The following C15orf40 variants were observed in gnomAD, a reference collection of about 807,000 sequenced individuals.
The protein encoded by C15orf40 is UPF0235 protein C15orf40.
C15orf40 carries 9 observed loss-of-function variants against 13.9 expected under a neutral mutation model. That is an observed-to-expected ratio of 0.65 (90% CI 0.39 to 1.13). The LOEUF is 1.13. Ranked by LOEUF, C15orf40 falls within the 50% of genes most tolerant of loss-of-function variation. The pLI is 0.01. For missense variants in C15orf40, 225 were observed against 188.5 expected (o/e 1.19, Z -1.13); for synonymous variants, 95 against 69.2 (o/e 1.37, Z -1.85).
At position 83,003,362 on chromosome 15, in the gene C15orf40, G is replaced by C. The variant is rs1021695065; in HGVS notation, c.*2235C>G. ...GGCTGGTCTCGAATTCCCGACCTCA[G>C]GTGATCCACCTGCCTTGGCCTCCCA... On this transcript the variant is annotated 3_prime_UTR_variant, in exon 4 of 4. Transcript: ENST00000304177. 6.6e-6 allele frequency: 1 copy of C among 151,956 alleles called. No individual in the cohort carries two copies. Among genetic ancestry groups the C allele is most frequent in the Non-Finnish European group, 1.5e-5 (1 of 68,026 alleles). 9.4% of individuals were successfully genotyped at this position (151,956 alleles called of 1,614,324 possible). A position where few individuals can be genotyped will look rare whatever the true frequency, so the allele number is the denominator to read the frequency against.
Position 83,004,112 on chromosome 15 carries a change from A to G in C15orf40, c.*1485T>C, listed in dbSNP as rs1179702990. ...TATAAATATATATATCTATGTATAAAATCTATCTATGTATATCTATCTATC... is the reference window on the plus strand; with the variant it reads ...TATAAATATATATATCTATGTATAAGATCTATCTATGTATATCTATCTATC... On this transcript the variant is annotated 3_prime_UTR_variant, in exon 4 of 4. Transcript: ENST00000304177. The G allele has an allele frequency of 6.6e-6, 1 of 152,398 alleles. No individual in the cohort carries two copies. The highest frequency in any genetic ancestry group is 6.6e-5 in the Admixed American group (1 of 15,262). The allele number at this position is 152,398 out of a possible 1,614,324, so 9.4% of individuals were successfully genotyped here.
chr15:83,004,984 A>G lies in C15orf40; in HGVS notation c.*613T>C, dbSNP rs1425570855. 7.8e-7 allele frequency: 1 copy of G among 1,275,606 alleles called. No individual in the cohort carries two copies. The highest frequency in any genetic ancestry group is 1.0e-6 in the Non-Finnish European group (1 of 965,714). 79.0% of individuals were successfully genotyped at this position (1,275,606 alleles called of 1,614,324 possible). ...AAGTCTCTCAACTTCTGGATATAGG[A>G]AATCAAAGGCCCCCCAACAGAATGA... On this transcript the variant is annotated 3_prime_UTR_variant, in exon 4 of 4. Transcript: ENST00000304177.
chr15:83,007,074 G>GC (rs1190147194), intron 3 of C15orf40, among the ~76,000 whole-genome samples: 1 of 152,108 alleles, frequency 6.6e-6, no homozygotes, highest in African/African-American at 2.4e-5. Flanking sequence ...ACATGGCTGG[G>GC]CCCCCCTCCT....
downstream of C15orf40, chr15:82,990,542 G>GCT: frequency 1.3e-6 from 1 of 765,866 alleles, no homozygotes; most frequent in Non-Finnish European, 2.0e-6. Context: ...TAAAACAATT[G>GCT]CTTTTTTTTT....
chr15:82,991,085 A>G (rs565820007), downstream of C15orf40: 13 of 156,078 alleles, frequency 8.3e-5, no homozygotes, highest in African/African-American at 3.1e-4. Context: ...ATTTATTAAT[A>G]TGGTGAAATG....
intron 3 of C15orf40, chr15:83,006,362 A>C (rs1387122775): frequency 1.0e-6 from 1 of 970,318 alleles, no homozygotes; most frequent in East Asian, 1.1e-4. Context: ...TTATAAATAT[A>C]AACAAATTGC....
At chr15:83,005,782 C>CCTG in intron 3 of C15orf40, 90 bp from the exon 4 acceptor site, 1 of 1,450,882 alleles carries the variant, frequency 6.9e-7, no homozygotes. Context: ...ATGGGCTCTC[C>CCTG]TGATGGCTTT....
At chr15:82,990,179 A>AT, downstream of C15orf40, 1 of 450,844 alleles carries the variant, frequency 2.2e-6, no homozygotes, top group Non-Finnish European at 3.5e-6. Flanking sequence ...TGGATTATTG[A>AT]TTTTTTGGAA....
chr15:83,003,057 G>C lies in C15orf40; in HGVS notation c.*2540C>G, dbSNP rs953386951. The C allele has an allele frequency of 6.6e-6, 1 of 151,622 alleles. No individual in the cohort carries two copies. Among genetic ancestry groups the C allele is most frequent in the African/African-American group, 2.4e-5 (1 of 41,220 alleles). 9.4% of individuals were successfully genotyped at this position (151,622 alleles called of 1,614,324 possible). On this transcript the variant is annotated 3_prime_UTR_variant, in exon 4 of 4. Coordinates refer to ENST00000304177, the MANE Select transcript of C15orf40 (RefSeq NM_144597.3). ...GAACTCCTGACCTCGTGATCTGCCT[G>C]CCTCGGCCTCCCAAAGCGCTGGAAT...
rs1191365204 is a variant in C15orf40, at chr15:82,995,566, C to G, written c.*10031G>C. The G allele has an allele frequency of 6.6e-6, 1 of 152,442 alleles. No individual in the cohort carries two copies. 9.4% of individuals were successfully genotyped at this position (152,442 alleles called of 1,614,324 possible). On this transcript the variant is annotated 3_prime_UTR_variant, in exon 4 of 4. Coordinates refer to ENST00000304177, the MANE Select transcript of C15orf40 (RefSeq NM_144597.3). ...TTGGGAGGCCAAGGTGGAAGGATCA[C>G]CTGAGGTCAGGAGTTCCAGACCAGC... is the stretch of plus-strand genomic sequence containing the variant.
downstream of C15orf40, among the ~76,000 whole-genome samples, chr15:82,991,684 GAGCC>G (rs2030866835): frequency 6.6e-6 from 1 of 151,920 alleles, no homozygotes; most frequent in Non-Finnish European, 1.5e-5. Flanking sequence ...CCTTCCTGAA[GAGCC>G]ATCCTCTCGG....
At chr15:82,993,082 C>G (rs1325326128), downstream of C15orf40, among the ~76,000 whole-genome samples, 2 of 152,198 alleles carry the variant, frequency 1.3e-5, no homozygotes, top group Non-Finnish European at 2.9e-5. Context: ...ATCCTAGCTT[C>G]CAGTTCTGTG....
rs908524069 is a variant in C15orf40, at chr15:83,000,166, A to C, written c.*5431T>G. On this transcript the variant is annotated 3_prime_UTR_variant, in exon 4 of 4. Transcript: ENST00000304177. Reference sequence around the variant, plus strand: ...GATGATTCTCTTAAAGAGATTTCCCAAAGGGACAGAATGTTCTCACTAGCA... The same window carrying C: ...GATGATTCTCTTAAAGAGATTTCCCCAAGGGACAGAATGTTCTCACTAGCA... The C allele has an allele frequency of 1.2e-4, 19 of 152,224 alleles. No individual in the cohort carries two copies. The highest frequency in any genetic ancestry group is 7.2e-4 in the Admixed American group (11 of 15,278). The allele number at this position is 152,224 out of a possible 1,614,324, so 9.4% of individuals were successfully genotyped here. A position where few individuals can be genotyped will look rare whatever the true frequency, so the allele number is the denominator to read the frequency against.
At chr15:83,006,910 G>A (rs1434032826) in intron 3 of C15orf40, among the ~76,000 whole-genome samples, 2 of 152,232 alleles carry the variant, frequency 1.3e-5, no homozygotes, top group Non-Finnish European at 2.9e-5. Context: ...ATGAGCACTA[G>A]CCAAAAATCA....
At position 83,000,634 on chromosome 15, in the gene C15orf40, C is replaced by A. The variant is rs958534337; in HGVS notation, c.*4963G>T. The A allele has an allele frequency of 2.0e-4, 30 of 152,276 alleles. No individual in the cohort carries two copies. Among genetic ancestry groups the A allele is most frequent in the African/African-American group, 7.0e-4 (29 of 41,540 alleles). The allele number at this position is 152,276 out of a possible 1,614,324, so 9.4% of individuals were successfully genotyped here. A position where few individuals can be genotyped will look rare whatever the true frequency, so the allele number is the denominator to read the frequency against. On this transcript the variant is annotated 3_prime_UTR_variant, in exon 4 of 4. Coordinates refer to ENST00000304177, the MANE Select transcript of C15orf40 (RefSeq NM_144597.3). Reference sequence around the variant, plus strand: ...CACCTCTTGGATGTAAATTGAAATTCTAAGTTTTTAGTCACTAGTTACATG... The same window carrying A: ...CACCTCTTGGATGTAAATTGAAATTATAAGTTTTTAGTCACTAGTTACATG...
intron 1 of C15orf40, chr15:83,011,086 G>C (rs2151294601): frequency 6.0e-6 from 1 of 165,846 alleles, no homozygotes; most frequent in South Asian, 1.7e-4. Context: ...GGTGGAAATG[G>C]GAGTGCTGTA....
downstream of C15orf40, chr15:82,989,969 T>G: frequency 6.2e-7 from 1 of 1,609,808 alleles, no homozygotes; most frequent in Non-Finnish European, 8.5e-7. Context: ...TGGACGATCC[T>G]GGGGTAACAA....
In C15orf40 at chr15:83,001,209, G is replaced by C. The variant is rs1202895244; in HGVS notation, c.*4388C>G. On this transcript the variant is annotated 3_prime_UTR_variant, in exon 4 of 4. Transcript: ENST00000304177. ...GTGGAATGGCTCACAGAAATCAGAA[G>C]TCTGAAATCTCTGCTCCTGCCTCCA... 1 of 985,322 alleles carries C rather than the reference G, an allele frequency of 1.0e-6. No individual in the cohort carries two copies. Among genetic ancestry groups the C allele is most frequent in the Non-Finnish European group, 1.2e-6 (1 of 829,952 alleles). The allele number at this position is 985,322 out of a possible 1,614,324, so 61.0% of individuals were successfully genotyped here. A position where few individuals can be genotyped will look rare whatever the true frequency, so the allele number is the denominator to read the frequency against.
chr15:83,006,447 C>A, intron 3 of C15orf40: 1 of 985,382 alleles, frequency 1.0e-6, no homozygotes, highest in Non-Finnish European at 1.2e-6. Flanking sequence ...CACGATTTCA[C>A]AACCACTTAA....
Sources: allele counts gnomAD v4.1 joint callset (sites outside exome capture counted in the v4.1 genomes callset), GRCh38; gene constraint gnomAD v4.1.1; transcripts MANE v1.5; gene names NCBI Gene and HGNC (gene_info 2026-07-23, HGNC 2026-07-21).